DDX46: variants seen among roughly 807,000 people sequenced by gnomAD.
DDX46 encodes the protein DEAD-box helicase 46, also known as probable ATP-dependent RNA helicase DDX46.
DDX46 carries 30 observed loss-of-function variants against 134.9 expected under a neutral mutation model. That is an observed-to-expected ratio of 0.22 (90% CI 0.17 to 0.30). The LOEUF is 0.30. Ranked by LOEUF, DDX46 falls within the 10% of genes least tolerant of loss-of-function variation. DDX46 has a pLI of 1.00. For missense variants in DDX46, 622 were observed against 1,248.7 expected (o/e 0.50, Z 7.56); for synonymous variants, 415 against 404.1 (o/e 1.03, Z -0.32).
At chr5:134,800,335 G>A (rs867054581) in intron 15 of DDX46, among the ~76,000 whole-genome samples, 10 of 152,232 alleles carry the variant, frequency 6.6e-5, no homozygotes, top group Middle Eastern at 3.4e-3. Flanking sequence ...CATATGTAAT[G>A]CATTATTATT....
rs535828484 is a variant in DDX46, at chr5:134,818,970, G to A, written c.2943G>A (p.Lys981=). Residue 981 remains lysine, a synonymous_variant, in exon 21 of 23, where the codon AAG becomes AAA. Transcript: ENST00000452510. ...GTYFPPGKEP[K]EGERKIYLAI... ...ACTTCCCTCCTGGCAAAGAACCCAA[G>A]GAAGGCGAGCGGAAGATTTACTTGG... The A allele has an allele frequency of 6.2e-7, 1 of 1,613,928 alleles. No individual in the cohort carries two copies. Among genetic ancestry groups the A allele is most frequent in the African/African-American group, 1.3e-5 (1 of 75,018 alleles).
Position 134,807,951 on chromosome 5 carries a change from A to T in DDX46, c.2148+10A>T, listed in dbSNP as rs747484254. 5 of 1,579,116 alleles carry T rather than the reference A, an allele frequency of 3.2e-6. No individual in the cohort carries two copies. In the Admixed American group the frequency reaches 9.0e-5, roughly 29 times the overall value. ...AAGAGCAGGAAACAAGGTAAAAATA[A>T]GTTTTTTATAGTTGATCTTCATTAT... On this transcript the variant is annotated intron_variant, in intron 16 of 22. Coordinates refer to ENST00000452510, the MANE Select transcript of DDX46 (RefSeq NM_001300860.2).
chr5:134,758,989 G>C (rs1479290263), intron 1 of DDX46, 34 bp downstream of exon 1: 18 of 1,606,472 alleles, frequency 1.1e-5, no homozygotes, highest in Non-Finnish European at 1.4e-5. Flanking sequence ...TAGCGGGCGA[G>C]CGGCTTCTTG....
intron 13 of DDX46, among the ~76,000 whole-genome samples, chr5:134,792,334 A>G (rs1271726845): frequency 6.6e-6 from 1 of 152,112 alleles, no homozygotes; most frequent in Admixed American, 6.6e-5. Flanking sequence ...TGGGGAAGTC[A>G]TATGGAGCTT....
intron 16 of DDX46, among the ~76,000 whole-genome samples, chr5:134,810,261 CAA>C (rs1185898120): frequency 1.7e-5 from 2 of 119,860 alleles, no homozygotes; most frequent in Admixed American, 8.8e-5. Flanking sequence ...GACTCCATCT[CAA>C]AAAAAAAAAG....
chr5:134,766,901 A>G lies in DDX46; in HGVS notation c.207-16A>G, dbSNP rs1338118660. The stretch of plus-strand genomic sequence containing the variant: ...CCATTTGGTCATAGAATAAATGAAA[A>G]GTGTCCCCCTTTCAGACGTTCCAGA... On this transcript the variant is annotated splice_polypyrimidine_tract_variant and intron_variant, in intron 2 of 22. Transcript: ENST00000452510. 4.4e-6 allele frequency: 7 copies of G among 1,602,180 alleles called. No individual in the cohort carries two copies. Among genetic ancestry groups the G allele is most frequent in the African/African-American group, 1.4e-5 (1 of 73,946 alleles).
At chr5:134,789,206 G>A (rs964024538) in intron 12 of DDX46, 1 of 152,116 alleles carries the variant, frequency 6.6e-6, no homozygotes, top group Non-Finnish European at 1.5e-5. Flanking sequence ...TTTAACTTCT[G>A]TGGAGAAAGG....
At position 134,817,734 on chromosome 5, in the gene DDX46, C is replaced by CTTT; in HGVS notation, c.2832+25_2832+27dup. The CTTT allele has an allele frequency of 6.3e-7, 1 of 1,598,746 alleles. No individual in the cohort carries two copies. Among genetic ancestry groups the CTTT allele is most frequent in the Non-Finnish European group, 8.5e-7 (1 of 1,171,976 alleles). ...CCACAGGCAAGTAACAGGTTTAAACCTTTTTTTATTGTGAAGTAGCAACTC... is the reference window on the plus strand; with the variant it reads ...CCACAGGCAAGTAACAGGTTTAAACCTTTTTTTTTTATTGTGAAGTAGCAACTC... On this transcript the variant is annotated intron_variant, in intron 20 of 22. Coordinates refer to ENST00000452510, the MANE Select transcript of DDX46 (RefSeq NM_001300860.2).
intron 3 of DDX46, among the ~76,000 whole-genome samples, chr5:134,768,555 G>A (rs1753654942): frequency 6.6e-6 from 1 of 151,100 alleles, no homozygotes; most frequent in Non-Finnish European, 1.5e-5. Context: ...TTGTGCCAGA[G>A]AGTATCTTCT....
chr5:134,763,821 A>G, intron 1 of DDX46, 83 bp from the exon 2 acceptor site: 2 of 1,444,782 alleles, frequency 1.4e-6, no homozygotes, highest in Non-Finnish European at 1.8e-6. Context: ...TTGTCTGCTG[A>G]AATTATTTTT....
chr5:134,800,878 G>T (rs1754807803), intron 15 of DDX46, among the ~76,000 whole-genome samples: 1 of 152,136 alleles, frequency 6.6e-6, no homozygotes, highest in Non-Finnish European at 1.5e-5. Flanking sequence ...TTGTCGTCAT[G>T]TTGGTCAGGG....
At chr5:134,762,443 A>G (rs977925662) in intron 1 of DDX46, among the ~76,000 whole-genome samples, 2 of 151,984 alleles carry the variant, frequency 1.3e-5, no homozygotes, top group African/African-American at 2.4e-5. Flanking sequence ...AAAAATGATA[A>G]AAAGGCTGCA....
intron 15 of DDX46, among the ~76,000 whole-genome samples, chr5:134,801,873 AGGAT>A (rs964610980): frequency 1.3e-5 from 2 of 152,154 alleles, no homozygotes; most frequent in Non-Finnish European, 2.9e-5. Flanking sequence ...TCATTTCTCT[AGGAT>A]GGATAACAAA....
chr5:134,765,135 C>G (rs1753525935), intron 2 of DDX46, among the ~76,000 whole-genome samples: 1 of 149,654 alleles, frequency 6.7e-6, no homozygotes, highest in East Asian at 2.0e-4. Flanking sequence ...GTGGCACGAT[C>G]TAGGCTCACT....
chr5:134,765,802 C>T (rs747716024), intron 2 of DDX46, among the ~76,000 whole-genome samples: 1 of 152,100 alleles, frequency 6.6e-6, no homozygotes, highest in Non-Finnish European at 1.5e-5. Flanking sequence ...ATTGTTGTTA[C>T]GTAGGATTCA....
intron 8 of DDX46, among the ~76,000 whole-genome samples, 193 bp downstream of exon 8, chr5:134,782,279 G>T (rs1290164274): frequency 6.6e-6 from 1 of 152,086 alleles, no homozygotes; most frequent in African/African-American, 2.4e-5. Context: ...GCTGAGGTGG[G>T]CGGATTGTCT....
At chr5:134,804,172 G>C (rs1289534368) in intron 15 of DDX46, among the ~76,000 whole-genome samples, 1 of 151,980 alleles carries the variant, frequency 6.6e-6, no homozygotes, top group African/African-American at 2.4e-5. Flanking sequence ...GCCTCCCAAA[G>C]CGCTGGAATT....
intron 21 of DDX46, among the ~76,000 whole-genome samples, chr5:134,824,793 G>A (rs1443504154): frequency 6.6e-6 from 1 of 152,198 alleles, no homozygotes; most frequent in Non-Finnish European, 1.5e-5. Context: ...TCTGTTTCTA[G>A]TTCTGTAATT....
chr5:134,763,670 T>G (rs1481955452), intron 1 of DDX46, among the ~76,000 whole-genome samples: 1 of 152,224 alleles, frequency 6.6e-6, no homozygotes, highest in Non-Finnish European at 1.5e-5. Flanking sequence ...AGGCAGGAGC[T>G]TGGTCTGTTT....
Sources: allele counts gnomAD v4.1 joint callset (sites outside exome capture counted in the v4.1 genomes callset), GRCh38; gene constraint gnomAD v4.1.1; transcripts MANE v1.5; gene names NCBI Gene and HGNC (gene_info 2026-07-23, HGNC 2026-07-21).